Variants in TMEM266 observed in about 807,000 individuals in gnomAD.
The protein encoded by TMEM266 is transmembrane protein 266.
A neutral mutation model predicts 50.5 loss-of-function variants in TMEM266; 33 were observed. The observed-to-expected ratio is 0.65, with a 90% CI of 0.50 to 0.87. The LOEUF (loss-of-function observed/expected upper bound fraction) is 0.87. TMEM266 is among the 40% of genes least tolerant of loss of function. The probability of loss-of-function intolerance (pLI) is 0.00; values close to 1 mark genes in which losing one functional copy is unlikely to be tolerated. For missense variants in TMEM266, 655 were observed against 695.1 expected (o/e 0.94, Z 0.65); for synonymous variants, 310 against 292.3 (o/e 1.06, Z -0.62).
intron 1 of TMEM266, among the ~76,000 whole-genome samples, chr15:76,086,932 G>GGT (rs1555445655): frequency 4.1e-5 from 6 of 146,634 alleles, no homozygotes; most frequent in African/African-American, 1.3e-4. Context: ...GCAGGTCGGG[G>GGT]GGGGGGCGGT....
intron 2 of TMEM266, among the ~76,000 whole-genome samples, chr15:76,137,311 A>C (rs2142031669): frequency 6.6e-6 from 1 of 152,322 alleles, no homozygotes; most frequent in South Asian, 2.1e-4. Flanking sequence ...AAAGAAACTC[A>C]GGAGACAACT....
At chr15:76,172,586 CCCCCAG>C (rs894050060) in intron 7 of TMEM266, among the ~76,000 whole-genome samples, 1 of 152,188 alleles carries the variant, frequency 6.6e-6, no homozygotes, top group African/African-American at 2.4e-5. Flanking sequence ...TGTCAGGGAT[CCCCCAG>C]TAGGGAATCT....
chr15:76,199,762 G>GTCCCTCCCTCCC lies in TMEM266; in HGVS notation c.959-2439_959-2428dup, dbSNP rs10669067. On this transcript the variant is annotated intron_variant, in intron 9 of 10. Transcript: ENST00000388942. ...TCTGGAGCTTTGAGAGTAAACACTA[G>GTCCCTCCCTCCC]TCCCTCCCTCCCATTCTGGTCACAG... 3.5e-3 allele frequency among the ~76,000 whole-genome samples: 515 copies of GTCCCTCCCTCCC among 148,648 alleles called. 4 individuals are homozygous for GTCCCTCCCTCCC. The highest frequency in any genetic ancestry group is 0.012 in the African/African-American group (477 of 40,576).
chr15:76,097,503 C>A (rs898980969), intron 1 of TMEM266, among the ~76,000 whole-genome samples: 1 of 151,974 alleles, frequency 6.6e-6, no homozygotes, highest in African/African-American at 2.4e-5. Context: ...TTGTGGGTAA[C>A]CCGACCTTTC....
intron 1 of TMEM266, among the ~76,000 whole-genome samples, chr15:76,096,091 G>A (rs1211002646): frequency 6.6e-6 from 1 of 151,924 alleles, no homozygotes; most frequent in Admixed American, 6.6e-5. Context: ...TTTTTTGAAG[G>A]ATTTTTCTTG....
chr15:76,147,181 G>A (rs1363118752), intron 3 of TMEM266, among the ~76,000 whole-genome samples: 1 of 152,236 alleles, frequency 6.6e-6, no homozygotes, highest in South Asian at 2.1e-4. Context: ...AGTTACTACT[G>A]TGGTTGTTGG....
intron 7 of TMEM266, among the ~76,000 whole-genome samples, chr15:76,171,480 C>T (rs1339339376): frequency 1.3e-5 from 2 of 152,178 alleles, no homozygotes; most frequent in African/African-American, 4.8e-5. Context: ...CTGGGCGTCT[C>T]GATGCACACC....
chr15:76,093,731 C>T (rs1175368578), intron 1 of TMEM266, among the ~76,000 whole-genome samples: 1 of 142,074 alleles, frequency 7.0e-6, no homozygotes, highest in Non-Finnish European at 1.6e-5. Flanking sequence ...CTCCCACCAA[C>T]AGTGTAAAAA....
rs1456061028 is a variant in TMEM266, at chr15:76,134,956, G to A, written c.38+655G>A. On this transcript the variant is annotated intron_variant, in intron 2 of 10. Transcript: ENST00000388942. Reference sequence around the variant, plus strand: ...CTGGCTGTCAGCTGATCTAGAGGAGGCTGGACTCTGCTCCACGTCTCTCAT... The same window carrying A: ...CTGGCTGTCAGCTGATCTAGAGGAGACTGGACTCTGCTCCACGTCTCTCAT... Among the ~76,000 whole-genome samples the A allele has an allele frequency of 2.6e-5, 4 of 152,206 alleles. No individual in the cohort carries two copies. In the East Asian group the frequency reaches 7.7e-4, roughly 29 times the overall value.
At chr15:76,141,149 A>C (rs918466982) in intron 3 of TMEM266, among the ~76,000 whole-genome samples, 5 of 151,388 alleles carry the variant, frequency 3.3e-5, no homozygotes, top group African/African-American at 1.2e-4. Flanking sequence ...CCTTTCTAAC[A>C]TCGTGGCTGT....
intron 5 of TMEM266, among the ~76,000 whole-genome samples, chr15:76,165,134 G>A (rs1243229426): frequency 6.6e-6 from 1 of 152,236 alleles, no homozygotes; most frequent in South Asian, 2.1e-4. Context: ...GCAGGGCCTG[G>A]ACCAGGTGCA....
intron 4 of TMEM266, among the ~76,000 whole-genome samples, chr15:76,157,831 T>C (rs1432068226): frequency 2.0e-5 from 3 of 151,824 alleles, no homozygotes; most frequent in Non-Finnish European, 4.4e-5. Context: ...TACAAAAAAA[T>C]TTAAAAATTT....
Position 76,203,722 on chromosome 15 carries a change from A to T in TMEM266, c.1022-19A>T. On this transcript the variant is annotated intron_variant, in intron 10 of 10. Transcript: ENST00000388942. Reference sequence around the variant, plus strand: ...TGGCAGAGGTTGAAGTGTGACCAAGATCCCCTCCTACCTTGCAGACAGCGG... The same window carrying T: ...TGGCAGAGGTTGAAGTGTGACCAAGTTCCCCTCCTACCTTGCAGACAGCGG... The T allele has an allele frequency of 6.2e-7, 1 of 1,600,862 alleles. No individual in the cohort carries two copies. Among genetic ancestry groups the T allele is most frequent in the Non-Finnish European group, 8.5e-7 (1 of 1,170,976 alleles).
At chr15:76,191,906 C>G in intron 8 of TMEM266, 62 bp from the exon 9 acceptor site, 3 of 1,457,464 alleles carry the variant, frequency 2.1e-6, no homozygotes, top group African/African-American at 3.0e-5. Flanking sequence ...GCCCAGAGGT[C>G]AGGCTGGAGG....
chr15:76,099,351 T>A (rs1028186357), intron 1 of TMEM266, among the ~76,000 whole-genome samples: 2 of 152,338 alleles, frequency 1.3e-5, no homozygotes, highest in South Asian at 4.1e-4. Flanking sequence ...CCTCTTGTGC[T>A]TCCCAGGTGA....
chr15:76,128,212 G>A (rs1298480318), intron 1 of TMEM266, among the ~76,000 whole-genome samples: 3 of 152,250 alleles, frequency 2.0e-5, no homozygotes, highest in Non-Finnish European at 4.4e-5. Flanking sequence ...AGCAGGTCAT[G>A]TGTGCCATGG....
chr15:76,082,637 TGAAA>T (rs10591787), intron 1 of TMEM266, among the ~76,000 whole-genome samples: 115,562 of 151,232 alleles, frequency 0.76, 44,833 homozygotes, highest in Admixed American at 0.84. Context: ...TGGCACATGG[TGAAA>T]GAAGGAGCAA....
intron 9 of TMEM266, among the ~76,000 whole-genome samples, chr15:76,201,820 G>A (rs1014317115): frequency 5.3e-5 from 8 of 152,200 alleles, no homozygotes; most frequent in Non-Finnish European, 7.3e-5. Context: ...TTTACCAAGG[G>A]CAGTGTTTCC....
intron 1 of TMEM266, among the ~76,000 whole-genome samples, chr15:76,102,895 G>C (rs933276675): frequency 6.6e-5 from 10 of 151,322 alleles, no homozygotes; most frequent in South Asian, 2.1e-4. Context: ...TAACACAGAG[G>C]AAAGAGGTGG....
Sources: allele counts gnomAD v4.1 joint callset (sites outside exome capture counted in the v4.1 genomes callset), GRCh38; gene constraint gnomAD v4.1.1; transcripts MANE v1.5; gene names NCBI Gene and HGNC (gene_info 2026-07-23, HGNC 2026-07-21).